The following UGT1A8 variants were observed in gnomAD, a reference collection of about 807,000 sequenced individuals.
The protein encoded by UGT1A8 is UDP-glucuronosyltransferase 1A8.
In UGT1A8, 39 loss-of-function variants were observed where a neutral mutation model predicts 45.3. The observed-to-expected ratio is 0.86, with a 90% CI of 0.67 to 1.12. The LOEUF (loss-of-function observed/expected upper bound fraction) is 1.12, where lower values mean the gene tolerates loss of function less well. Among genes scored for constraint, UGT1A8 ranks in the 50% most tolerant of loss-of-function variants. UGT1A8 has a pLI of 0.00. For missense variants in UGT1A8, 719 were observed against 664.9 expected (o/e 1.08, Z -0.90); for synonymous variants, 275 against 249.2 (o/e 1.10, Z -0.97).
At chr2:233,729,213 A>G (rs760379481) in intron 1 of UGT1A8, 11 of 1,613,914 alleles carry the variant, frequency 6.8e-6, no homozygotes, top group Non-Finnish European at 8.5e-6. Context: ...CTGAGAGTGG[A>G]AAGGTGTTGG....
chr2:233,682,538 A>G, intron 1 of UGT1A8: 6 of 1,613,908 alleles, frequency 3.7e-6, no homozygotes, highest in Non-Finnish European at 5.1e-6. Flanking sequence ...CTCAGACGCC[A>G]TGACTTTCAA....
chr2:233,749,719 G>C (rs1207301331), intron 1 of UGT1A8, among the ~76,000 whole-genome samples: 2 of 151,972 alleles, frequency 1.3e-5, no homozygotes, highest in East Asian at 3.9e-4. Context: ...CATGGGGGCA[G>C]TTTCGCACCT....
intron 1 of UGT1A8, chr2:233,681,793 CA>C: frequency 6.8e-7 from 1 of 1,466,224 alleles, no homozygotes; most frequent in South Asian, 1.5e-5. Context: ...ATGAGTAAAT[CA>C]TTGGCAGTGA....
intron 1 of UGT1A8, chr2:233,729,501 T>C (rs142329877): frequency 1.3e-5 from 21 of 1,614,102 alleles, no homozygotes; most frequent in Non-Finnish European, 1.7e-5. Flanking sequence ...TGGTCTATCA[T>C]AGGTCTTGTG....
intron 1 of UGT1A8, among the ~76,000 whole-genome samples, chr2:233,634,002 G>T (rs988226499): frequency 5.9e-5 from 9 of 152,042 alleles, no homozygotes; most frequent in Admixed American, 4.6e-4. Context: ...GATTCTGGTA[G>T]GTTGTGTCTT....
chr2:233,672,744 C>T (rs771524221), intron 1 of UGT1A8: 4 of 1,613,906 alleles, frequency 2.5e-6, no homozygotes, highest in South Asian at 2.2e-5. Context: ...CCAACATGAT[C>T]TTCATTGGTG....
chr2:233,633,253 G>T (rs925044746), intron 1 of UGT1A8, among the ~76,000 whole-genome samples: 1 of 152,178 alleles, frequency 6.6e-6, no homozygotes, highest in African/African-American at 2.4e-5. Flanking sequence ...GTTCATCAGA[G>T]ATATTGGCCT....
intron 1 of UGT1A8, chr2:233,743,518 C>A: frequency 1.5e-6 from 2 of 1,367,324 alleles, no homozygotes; most frequent in Non-Finnish European, 9.8e-7. Flanking sequence ...CGCTCTGCTT[C>A]TGCTTCCCCA....
intron 1 of UGT1A8, chr2:233,718,858 C>T: frequency 1.9e-6 from 3 of 1,613,692 alleles, no homozygotes; most frequent in African/African-American, 2.7e-5. Context: ...CCGCGGCTGG[C>T]CACAGGACTG....
chr2:233,728,683 G>A (rs1270712584), intron 1 of UGT1A8, among the ~76,000 whole-genome samples: 4 of 152,230 alleles, frequency 2.6e-5, no homozygotes, highest in African/African-American at 7.2e-5. Flanking sequence ...TGAGAAGAAA[G>A]TTTCAAGGGT....
chr2:233,772,918 G>T lies in UGT1A8; in HGVS notation c.*359G>T. The stretch of plus-strand genomic sequence containing the variant: ...CCCACGGCTGCCCCTACTGCAAATG[G>T]CAGTTTTAATCTTATCTTTTGGCTT... On this transcript the variant is annotated 3_prime_UTR_variant, in exon 5 of 5. Coordinates refer to ENST00000373450, the MANE Select transcript of UGT1A8 (RefSeq NM_019076.5). 5.3e-6 allele frequency: 2 copies of T among 377,338 alleles called. No homozygotes were observed. The highest frequency in any genetic ancestry group is 2.9e-5 in the South Asian group (1 of 34,748). The allele number at this position is 377,338 out of a possible 1,614,324, so 23.4% of individuals were successfully genotyped here.
rs45625338 is a variant in UGT1A8 at position 233,729,259 on chromosome 2, C to T, written c.856-37775C>T. 3,601 of 1,614,078 alleles carry T rather than the reference C, an allele frequency of 2.2e-3. 92 individuals are homozygous for T. In the East Asian group the frequency reaches 0.052, roughly 23 times the overall value. On this transcript the variant is annotated intron_variant, in intron 1 of 4. Transcript: ENST00000373450. ...TGATGGCAGCCACTGGCTCAGCATGCGGGAGGTCTTGCGGGAGCTCCATGC... is the reference window on the plus strand; with the variant it reads ...TGATGGCAGCCACTGGCTCAGCATGTGGGAGGTCTTGCGGGAGCTCCATGC...
chr2:233,772,846 T>C lies in UGT1A8; in HGVS notation c.*287T>C, dbSNP rs1314535454. ...AGGCTGGCATTCTAGATTACTTTTCTTACTCTGAAACATGGCCTGTTTGGG... is the reference window on the plus strand; with the variant it reads ...AGGCTGGCATTCTAGATTACTTTTCCTACTCTGAAACATGGCCTGTTTGGG... On this transcript the variant is annotated 3_prime_UTR_variant, in exon 5 of 5. Transcript: ENST00000373450. 2 of 808,282 alleles carry C rather than the reference T, an allele frequency of 2.5e-6. No individual in the cohort carries two copies. Among genetic ancestry groups the C allele is most frequent in the Non-Finnish European group, 3.5e-6 (2 of 570,582 alleles). 50.1% of individuals were successfully genotyped at this position (808,282 alleles called of 1,614,324 possible). A position where few individuals can be genotyped will look rare whatever the true frequency, so the allele number is the denominator to read the frequency against.
At chr2:233,642,117 C>G (rs535350559) in intron 1 of UGT1A8, among the ~76,000 whole-genome samples, 1 of 152,282 alleles carries the variant, frequency 6.6e-6, no homozygotes, top group African/African-American at 2.4e-5. Context: ...CTTTCTCTAC[C>G]TCCACTTTAT....
At chr2:233,656,535 A>AG (rs1575405001) in intron 1 of UGT1A8, among the ~76,000 whole-genome samples, 1 of 152,178 alleles carries the variant, frequency 6.6e-6, no homozygotes, top group East Asian at 1.9e-4. Flanking sequence ...GTTGGAACAT[A>AG]GTTTATTCTT....
chr2:233,632,816 C>G (rs181048599), intron 1 of UGT1A8, among the ~76,000 whole-genome samples: 14 of 152,110 alleles, frequency 9.2e-5, no homozygotes, highest in African/African-American at 3.4e-4. Context: ...ATTTGAATAC[C>G]CTGTATTTCT....
At chr2:233,638,075 C>T (rs2073348931) in intron 1 of UGT1A8, among the ~76,000 whole-genome samples, 1 of 152,088 alleles carries the variant, frequency 6.6e-6, no homozygotes, top group Non-Finnish European at 1.5e-5. Flanking sequence ...TTGCTTTTAT[C>T]TTAGTAGACT....
chr2:233,760,268 C>T (rs1166163686), intron 1 of UGT1A8: 1 of 1,612,240 alleles, frequency 6.2e-7, no homozygotes, highest in Admixed American at 1.7e-5. Context: ...GGGCGAACCT[C>T]TGGCAGGAGC....
chr2:233,708,960 C>A (rs911786556), intron 1 of UGT1A8, among the ~76,000 whole-genome samples: 3 of 152,094 alleles, frequency 2.0e-5, no homozygotes, highest in African/African-American at 7.2e-5. Flanking sequence ...TATATGTTTC[C>A]ATTTCTTGTC....
Sources: gnomAD v4.1 joint callset for allele counts (sites outside exome capture counted in the v4.1 genomes callset) on GRCh38, gnomAD v4.1.1 for gene constraint, MANE v1.5 for transcripts, NCBI Gene and HGNC (gene_info 2026-07-23, HGNC 2026-07-21) for gene names.